Variants in MTMR3 observed in about 807,000 individuals in gnomAD.
The protein encoded by MTMR3 is phosphatidylinositol-3,5-bisphosphate 3-phosphatase MTMR3.
Under a neutral mutation model 132.4 loss-of-function variants are expected in MTMR3, and 32 were observed. The observed-to-expected ratio is 0.24, with a 90% CI of 0.18 to 0.32. The LOEUF is 0.32. MTMR3 is among the 10% of genes least tolerant of loss of function. The pLI, the probability that MTMR3 is intolerant of heterozygous loss-of-function variation, is 1.00. For missense variants in MTMR3, 1,216 were observed against 1,489.6 expected (o/e 0.82, Z 3.02); for synonymous variants, 556 against 550.3 (o/e 1.01, Z -0.14).
At chr22:30,007,763 A>C in intron 10 of MTMR3, 138 bp from the exon 11 acceptor site, 1 of 994,728 alleles carries the variant, frequency 1.0e-6, no homozygotes, top group Non-Finnish European at 1.4e-6. Context: ...GAAAAATCCT[A>C]TGTATCAAGG....
chr22:29,933,072 G>A (rs1293146242), intron 1 of MTMR3, among the ~76,000 whole-genome samples: 1 of 152,076 alleles, frequency 6.6e-6, no homozygotes, highest in African/African-American at 2.4e-5. Flanking sequence ...GGGTTCAAGC[G>A]ATTCTCCTGC....
intron 5 of MTMR3, chr22:29,980,681 G>T (rs1344633566): frequency 2.0e-5 from 3 of 152,134 alleles, no homozygotes; most frequent in African/African-American, 7.2e-5. Flanking sequence ...ATATCATCCT[G>T]TATTTATCAG....
In MTMR3 at chr22:30,000,850, T is replaced by C. The variant is rs538654561; in HGVS notation, c.557+1993T>C. ...ATACTGGAAATTGTTTATCCACAAG[T>C]GAGTAGGTAGTGCATACTGAAGAGC... On this transcript the variant is annotated intron_variant, in intron 8 of 19. Coordinates refer to ENST00000401950, the MANE Select transcript of MTMR3 (RefSeq NM_021090.4). 3 of 152,224 alleles carry C rather than the reference T, an allele frequency of 2.0e-5. No homozygotes were observed. In the East Asian group the frequency reaches 5.8e-4, roughly 29 times the overall value. The allele number at this position is 152,224 out of a possible 1,614,324, so 9.4% of individuals were successfully genotyped here.
At chr22:29,954,139 C>T (rs1049846639) in intron 1 of MTMR3, among the ~76,000 whole-genome samples, 1 of 136,656 alleles carries the variant, frequency 7.3e-6, no homozygotes, top group African/African-American at 2.7e-5. Flanking sequence ...GAGAGTACAG[C>T]ATTGTAATCA....
Position 30,019,465 on chromosome 22 carries a change from AT to A in MTMR3, c.1821-13del. On this transcript the variant is annotated splice_polypyrimidine_tract_variant and intron_variant, in intron 16 of 19. Coordinates refer to ENST00000401950, the MANE Select transcript of MTMR3 (RefSeq NM_021090.4). Reference sequence around the variant, plus strand: ...TTTCCAAGATTTTCATTTCCCCCAAATTCCTTTCCTTTAGGCTACCAAAGAC... The same window carrying A: ...TTTCCAAGATTTTCATTTCCCCCAAATCCTTTCCTTTAGGCTACCAAAGAC... 2.5e-6 allele frequency: 4 copies of A among 1,577,612 alleles called. No individual in the cohort carries two copies. Among genetic ancestry groups the A allele is most frequent in the Non-Finnish European group, 3.4e-6 (4 of 1,165,500 alleles).
At chr22:29,921,390 T>G (rs1486233365) in intron 1 of MTMR3, among the ~76,000 whole-genome samples, 1 of 152,174 alleles carries the variant, frequency 6.6e-6, no homozygotes, top group Non-Finnish European at 1.5e-5. Flanking sequence ...TATCTTCCAC[T>G]AGGCGCCACC....
intron 1 of MTMR3, among the ~76,000 whole-genome samples, chr22:29,888,383 C>T (rs2145697849): frequency 6.6e-6 from 1 of 152,150 alleles, no homozygotes; most frequent in East Asian, 1.9e-4. Flanking sequence ...TGTGATAAAA[C>T]TTTGTCGTCG....
chr22:29,996,554 AAAAT>A (rs1460528357), intron 7 of MTMR3: 1 of 152,202 alleles, frequency 6.6e-6, no homozygotes, highest in East Asian at 1.9e-4. Context: ...AAGCACAAAA[AAAAT>A]AAATCATTAA....
chr22:29,988,348 C>G, intron 5 of MTMR3, 132 bp from the exon 6 acceptor site: 1 of 521,048 alleles, frequency 1.9e-6, no homozygotes, highest in East Asian at 3.1e-5. Flanking sequence ...ACTGTTGATC[C>G]AGATAAGTTT....
At position 30,029,224 on chromosome 22, in the gene MTMR3, G is replaced by C. The variant is rs2067969540; in HGVS notation, c.*3423G>C. 1.3e-5 allele frequency: 2 copies of C among 152,352 alleles called. No homozygotes were observed. Among genetic ancestry groups the C allele is most frequent in the South Asian group, 4.1e-4 (2 of 4,832 alleles). The allele number at this position is 152,352 out of a possible 1,614,324, so 9.4% of individuals were successfully genotyped here. ...GCAACAGGGCATGAACTGTGACTTT[G>C]AGCTGCCAGGTTGTCTTCATCTCAG... On this transcript the variant is annotated 3_prime_UTR_variant, in exon 20 of 20. Coordinates refer to ENST00000401950, the MANE Select transcript of MTMR3 (RefSeq NM_021090.4).
intron 1 of MTMR3, among the ~76,000 whole-genome samples, chr22:29,945,734 A>T (rs77287227): frequency 2.0e-5 from 3 of 149,726 alleles, no homozygotes; most frequent in Non-Finnish European, 3.0e-5. Flanking sequence ...AAAAAAAAAA[A>T]TTTCGAGCCA....
intron 3 of MTMR3, among the ~76,000 whole-genome samples, chr22:29,972,040 G>A (rs2066546410): frequency 6.6e-6 from 1 of 152,162 alleles, no homozygotes; most frequent in African/African-American, 2.4e-5. Context: ...CATATTAAAA[G>A]GAAGAGAAAG....
At chr22:29,954,821 C>T (rs1673583531) in intron 1 of MTMR3, among the ~76,000 whole-genome samples, 2 of 152,158 alleles carry the variant, frequency 1.3e-5, no homozygotes, top group South Asian at 4.1e-4. Context: ...CGTACATCTA[C>T]TTGGGAGGTC....
rs148914551 is a variant in MTMR3, at chr22:29,956,989, T to G, written c.-137-47T>G. The stretch of plus-strand genomic sequence containing the variant: ...GGGAGATCTAAGTGGCTTAACTTGA[T>G]TCTTAGGATATTTGTCATTATAAAA... On this transcript the variant is annotated intron_variant, in intron 1 of 19. Coordinates refer to ENST00000401950, the MANE Select transcript of MTMR3 (RefSeq NM_021090.4). 31 of 152,398 alleles carry G rather than the reference T, an allele frequency of 2.0e-4. No individual in the cohort carries two copies. The East Asian group carries it at 5.5e-3, about 27-fold the overall frequency. 9.4% of individuals were successfully genotyped at this position (152,398 alleles called of 1,614,324 possible).
intron 17 of MTMR3, chr22:30,021,098 G>A: frequency 1.7e-6 from 1 of 585,622 alleles, no homozygotes; most frequent in African/African-American, 1.9e-5. Flanking sequence ...CAGATGTCCT[G>A]TTGAGGCCGT....
chr22:29,996,114 CAG>C (rs2067055152), intron 7 of MTMR3: 1 of 152,168 alleles, frequency 6.6e-6, no homozygotes, highest in African/African-American at 2.4e-5. Flanking sequence ...GCTTAGGCAA[CAG>C]AGGGAAAACC....
rs1384708328 is a variant in MTMR3 at position 29,934,155 on chromosome 22, C to T, written c.-137-22881C>T. Among the ~76,000 whole-genome samples, 3 of 152,182 alleles carry T rather than the reference C, an allele frequency of 2.0e-5. No individual in the cohort carries two copies. In the East Asian group the frequency reaches 5.8e-4, roughly 29 times the overall value. ...GGATCACGAGGTCAAGAGATCGAGA[C>T]CATCCTGGCTAACACGGTGAAACCC... On this transcript the variant is annotated intron_variant, in intron 1 of 19. Coordinates refer to ENST00000401950, the MANE Select transcript of MTMR3 (RefSeq NM_021090.4).
chr22:29,941,649 A>T (rs1569015489), intron 1 of MTMR3, among the ~76,000 whole-genome samples: 1 of 152,132 alleles, frequency 6.6e-6, no homozygotes, highest in South Asian at 2.1e-4. Flanking sequence ...TGTCTCCCTG[A>T]TGACTGATTT....
At chr22:29,927,617 A>G (rs1253974222) in intron 1 of MTMR3, among the ~76,000 whole-genome samples, 1 of 152,122 alleles carries the variant, frequency 6.6e-6, no homozygotes, top group South Asian at 2.1e-4. Flanking sequence ...TGGTAGTGGT[A>G]GAGGTTTATC....
Sources: gnomAD v4.1 joint callset for allele counts (sites outside exome capture counted in the v4.1 genomes callset) on GRCh38, gnomAD v4.1.1 for gene constraint, MANE v1.5 for transcripts, NCBI Gene and HGNC (gene_info 2026-07-23, HGNC 2026-07-21) for gene names.